LRRC4C: variants seen among roughly 807,000 people sequenced by gnomAD.
LRRC4C encodes leucine rich repeat containing 4C, also known as leucine-rich repeat-containing protein 4C.
In LRRC4C, 5 loss-of-function variants were observed where a neutral mutation model predicts 33.6. The observed-to-expected ratio is 0.15, with a 90% CI of 0.08 to 0.31. LRRC4C has a LOEUF of 0.31. LRRC4C is among the 10% of genes least tolerant of loss of function. The pLI is 1.00. For missense variants in LRRC4C, 560 were observed against 796.7 expected (o/e 0.70, Z 3.58); for synonymous variants, 329 against 302.0 (o/e 1.09, Z -0.93).
intron 5 of LRRC4C, among the ~76,000 whole-genome samples, chr11:40,213,026 C>G (rs1237616448): frequency 1.3e-5 from 2 of 152,090 alleles, no homozygotes; most frequent in Non-Finnish European, 1.5e-5. Flanking sequence ...AACCATAATG[C>G]CAGCACCACC....
At chr11:40,560,531 A>AT (rs752778259) in intron 3 of LRRC4C, among the ~76,000 whole-genome samples, 3 of 151,700 alleles carry the variant, frequency 2.0e-5, no homozygotes, top group Non-Finnish European at 4.4e-5. Context: ...TTCCCACTTT[A>AT]TTTGCGTGAT....
At chr11:41,072,516 C>CATGTGAAGGGG (rs1448198241) in intron 1 of LRRC4C, among the ~76,000 whole-genome samples, 4 of 151,968 alleles carry the variant, frequency 2.6e-5, no homozygotes, top group Non-Finnish European at 4.4e-5. Flanking sequence ...CCCTTACCTC[C>CATGTGAAGGGG]TGTTGCCATG....
chr11:41,211,197 A>G (rs1946806857), intron 1 of LRRC4C, among the ~76,000 whole-genome samples: 1 of 152,136 alleles, frequency 6.6e-6, no homozygotes, highest in Admixed American at 6.5e-5. Flanking sequence ...TAATAAGAGG[A>G]GTTATAAAAT....
At chr11:41,355,067 T>C (rs1403629880) in intron 1 of LRRC4C, among the ~76,000 whole-genome samples, 1 of 152,010 alleles carries the variant, frequency 6.6e-6, no homozygotes, top group African/African-American at 2.4e-5. Flanking sequence ...ACCTACAGAA[T>C]AGGAGAAAAT....
chr11:40,870,056 C>A (rs1207589598), intron 2 of LRRC4C, among the ~76,000 whole-genome samples: 2 of 152,008 alleles, frequency 1.3e-5, no homozygotes. Flanking sequence ...CTATCATGTA[C>A]CAAGAACTAT....
chr11:40,242,836 T>C (rs748310723), intron 4 of LRRC4C, among the ~76,000 whole-genome samples: 8 of 152,126 alleles, frequency 5.3e-5, no homozygotes, highest in Admixed American at 3.9e-4. Flanking sequence ...TCATCTATTA[T>C]GACAAGCTTG....
chr11:40,393,108 A>G (rs1381032005), intron 3 of LRRC4C, among the ~76,000 whole-genome samples: 1 of 152,174 alleles, frequency 6.6e-6, no homozygotes, highest in African/African-American at 2.4e-5. Context: ...GAAGAGAAAA[A>G]TATTGTAAAG....
intron 3 of LRRC4C, among the ~76,000 whole-genome samples, chr11:40,433,813 C>T (rs1023895026): frequency 7.9e-5 from 12 of 152,098 alleles, no homozygotes; most frequent in Non-Finnish European, 1.5e-4. Context: ...TGGTGAGAAA[C>T]CAGCAGAGCG....
intron 1 of LRRC4C, among the ~76,000 whole-genome samples, chr11:41,111,581 A>G (rs765462443): frequency 6.6e-6 from 1 of 152,092 alleles, no homozygotes; most frequent in Non-Finnish European, 1.5e-5. Context: ...CCTTCATCTC[A>G]GTAGTTAAAA....
At chr11:40,779,797 G>A (rs1310493339) in intron 2 of LRRC4C, among the ~76,000 whole-genome samples, 1 of 152,198 alleles carries the variant, frequency 6.6e-6, no homozygotes, top group African/African-American at 2.4e-5. Context: ...CACAGACCAT[G>A]ATAAAGGACT....
intron 2 of LRRC4C, among the ~76,000 whole-genome samples, chr11:40,925,803 A>G (rs1390481381): frequency 2.0e-5 from 3 of 152,152 alleles, no homozygotes; most frequent in Non-Finnish European, 2.9e-5. Flanking sequence ...CTGGAATTCT[A>G]CTATGTGCCA....
intron 1 of LRRC4C, among the ~76,000 whole-genome samples, chr11:41,067,479 C>G (rs1938338484): frequency 6.6e-6 from 1 of 152,192 alleles, no homozygotes; most frequent in Non-Finnish European, 1.5e-5. Context: ...AAGACTTTAA[C>G]ACCCGACTGT....
Position 40,979,255 on chromosome 11 carries a change from C to T in LRRC4C, c.-495-45532G>A, listed in dbSNP as rs1181143788. 2.6e-5 allele frequency among the ~76,000 whole-genome samples: 4 copies of T among 152,238 alleles called. No individual in the cohort carries two copies. In the East Asian group the frequency reaches 7.7e-4, roughly 29 times the overall value. ...GCTTTTTCTACAATACTATCAATTC[C>T]TTGGATGTATGTCATATCTGTATCA... On this transcript the variant is annotated intron_variant, in intron 1 of 6. Transcript: ENST00000528697.
At chr11:41,256,556 T>TA (rs1302691537) in intron 1 of LRRC4C, among the ~76,000 whole-genome samples, 2 of 151,924 alleles carry the variant, frequency 1.3e-5, no homozygotes, top group Admixed American at 1.3e-4. Flanking sequence ...GAGATTAATT[T>TA]AAAAAAATTG....
At position 40,473,199 on chromosome 11, in the gene LRRC4C, C is replaced by T. The variant is rs189264543; in HGVS notation, c.-269-153478G>A. ...CCCTGATGAACATCAATGCAAAAAC[C>T]TCAATAAAATACTGGCAAACCAAAT... On this transcript the variant is annotated intron_variant, in intron 3 of 6. Transcript: ENST00000528697. Among the ~76,000 whole-genome samples the T allele has an allele frequency of 2.8e-4, 42 of 152,216 alleles. No homozygotes were observed. The East Asian group carries it at 7.5e-3, about 27-fold the overall frequency.
intron 1 of LRRC4C, among the ~76,000 whole-genome samples, chr11:41,255,118 C>T (rs1948758286): frequency 6.6e-6 from 1 of 151,988 alleles, no homozygotes; most frequent in African/African-American, 2.4e-5. Flanking sequence ...TCCCTAAAAG[C>T]TCAACAAGGC....
chr11:41,318,525 A>G (rs1316977385), intron 1 of LRRC4C, among the ~76,000 whole-genome samples: 5 of 152,146 alleles, frequency 3.3e-5, no homozygotes, highest in African/African-American at 1.2e-4. Context: ...CAGAACTTCT[A>G]TTTGTGGCAC....
intron 1 of LRRC4C, among the ~76,000 whole-genome samples, chr11:41,285,583 G>A (rs934200134): frequency 6.6e-5 from 10 of 152,108 alleles, no homozygotes; most frequent in African/African-American, 2.4e-4. Context: ...TTCAGAGACT[G>A]GAATGATGTG....
At chr11:40,320,519 T>C (rs1185451252) in intron 3 of LRRC4C, among the ~76,000 whole-genome samples, 1 of 151,860 alleles carries the variant, frequency 6.6e-6, no homozygotes, top group African/African-American at 2.4e-5. Context: ...AATAAATACA[T>C]AAATAAATAA....
Sources: allele counts gnomAD v4.1 joint callset (sites outside exome capture counted in the v4.1 genomes callset), GRCh38; gene constraint gnomAD v4.1.1; transcripts MANE v1.5; gene names NCBI Gene and HGNC (gene_info 2026-07-23, HGNC 2026-07-21).